PTPRT: variants seen among roughly 807,000 people sequenced by gnomAD.
The protein encoded by PTPRT is protein tyrosine phosphatase receptor type T.
Under a neutral mutation model 176.8 loss-of-function variants are expected in PTPRT, and 56 were observed. The observed-to-expected ratio is 0.32, with a 90% CI of 0.26 to 0.40. The LOEUF (loss-of-function observed/expected upper bound fraction) is 0.40. Among genes scored for constraint, PTPRT ranks in the 10% least tolerant of loss-of-function variants. The pLI, the probability that PTPRT is intolerant of heterozygous loss-of-function variation, is 1.00. For synonymous variants in PTPRT, 783 were observed against 739.0 expected (o/e 1.06, Z -0.96); for missense variants, 1,540 against 1,908.2 (o/e 0.81, Z 3.60).
chr20:42,254,049 C>T (rs1568712196), intron 13 of PTPRT, among the ~76,000 whole-genome samples: 1 of 152,192 alleles, frequency 6.6e-6, no homozygotes, highest in East Asian at 1.9e-4. Flanking sequence ...TTCCCTCCCT[C>T]AATATTAGCT....
At chr20:42,711,427 T>A (rs1348711346) in intron 6 of PTPRT, among the ~76,000 whole-genome samples, 1 of 152,082 alleles carries the variant, frequency 6.6e-6, no homozygotes, top group Non-Finnish European at 1.5e-5. Flanking sequence ...TCCATTCACA[T>A]GAGATCTGGT....
intron 7 of PTPRT, among the ~76,000 whole-genome samples, chr20:42,627,083 C>T (rs562167833): frequency 1.6e-4 from 24 of 152,204 alleles, no homozygotes; most frequent in Middle Eastern, 3.4e-3. Context: ...AAGCAATGCC[C>T]GGGATGACCG....
At chr20:43,163,786 A>C (rs80165795) in intron 1 of PTPRT, among the ~76,000 whole-genome samples, 1 of 152,236 alleles carries the variant, frequency 6.6e-6, no homozygotes. Flanking sequence ...CCGACAGCAC[A>C]TCTATCTCAT....
At chr20:42,124,779 A>C (rs772453133) in intron 19 of PTPRT, among the ~76,000 whole-genome samples, 2 of 152,164 alleles carry the variant, frequency 1.3e-5, no homozygotes, top group Non-Finnish European at 2.9e-5. Context: ...CAATTAATGG[A>C]GTTCCTCTAC....
chr20:42,634,030 T>C (rs1600513981), intron 7 of PTPRT, among the ~76,000 whole-genome samples: 1 of 28,788 alleles, frequency 3.5e-5, no homozygotes, highest in Non-Finnish European at 5.5e-5. Flanking sequence ...ATAATATATA[T>C]ATTATATATA....
At chr20:42,560,030 T>C (rs2072926144) in intron 7 of PTPRT, among the ~76,000 whole-genome samples, 1 of 152,102 alleles carries the variant, frequency 6.6e-6, no homozygotes, top group Admixed American at 6.6e-5. Flanking sequence ...ACAGCAAACA[T>C]TAAAAGAGCA....
intron 7 of PTPRT, among the ~76,000 whole-genome samples, chr20:42,639,389 A>C (rs1225150074): frequency 6.6e-6 from 1 of 152,110 alleles, no homozygotes; most frequent in African/African-American, 2.4e-5. Flanking sequence ...CTTGAATTTG[A>C]AACCAGAGCC....
intron 13 of PTPRT, among the ~76,000 whole-genome samples, chr20:42,265,872 G>T (rs891849320): frequency 6.6e-6 from 1 of 152,164 alleles, no homozygotes; most frequent in African/African-American, 2.4e-5. Context: ...GAGTAAAGCT[G>T]CCCCTGGGAA....
intron 7 of PTPRT, among the ~76,000 whole-genome samples, chr20:42,654,869 A>T (rs1364816131): frequency 6.6e-6 from 1 of 152,236 alleles, no homozygotes; most frequent in Non-Finnish European, 1.5e-5. Context: ...GCCCACTAAC[A>T]TCAGGGCAAG....
At chr20:42,312,146 A>G (rs1292408050) in intron 12 of PTPRT, among the ~76,000 whole-genome samples, 1 of 152,206 alleles carries the variant, frequency 6.6e-6, no homozygotes, top group Non-Finnish European at 1.5e-5. Flanking sequence ...TTTTATGCTC[A>G]CTGTAGGTCT....
intron 7 of PTPRT, among the ~76,000 whole-genome samples, chr20:42,602,771 A>T (rs183172062): frequency 6.6e-6 from 1 of 152,248 alleles, no homozygotes; most frequent in African/African-American, 2.4e-5. Flanking sequence ...AACAAGGAGC[A>T]GGGGCTTCAC....
chr20:42,437,116 C>T (rs957052034), intron 9 of PTPRT, among the ~76,000 whole-genome samples: 1 of 152,082 alleles, frequency 6.6e-6, no homozygotes, highest in Admixed American at 6.5e-5. Context: ...TTATGTAGAT[C>T]ATAAGTAAAT....
chr20:43,006,467 C>G (rs1303996941), intron 1 of PTPRT, among the ~76,000 whole-genome samples: 12 of 152,164 alleles, frequency 7.9e-5, no homozygotes, highest in Admixed American at 7.9e-4. Context: ...TCTCCTGTAT[C>G]TGCCTGCCTC....
At chr20:42,149,575 C>T (rs1989031540) in intron 17 of PTPRT, among the ~76,000 whole-genome samples, 2 of 152,066 alleles carry the variant, frequency 1.3e-5, no homozygotes, top group Admixed American at 6.6e-5. Context: ...AGTCCTGTGC[C>T]ACCACACCCG....
intron 1 of PTPRT, among the ~76,000 whole-genome samples, chr20:42,902,436 A>C (rs2079417902): frequency 6.6e-6 from 1 of 152,140 alleles, no homozygotes; most frequent in African/African-American, 2.4e-5. Context: ...GCAGCTCAGG[A>C]GAGACAGAAG....
At chr20:42,962,730 C>A (rs1057390484) in intron 1 of PTPRT, among the ~76,000 whole-genome samples, 2 of 152,186 alleles carry the variant, frequency 1.3e-5, no homozygotes, top group African/African-American at 4.8e-5. Flanking sequence ...TACAGAAACA[C>A]TACCACCACC....
At chr20:42,248,857 A>G in intron 13 of PTPRT, 35 bp from the exon 14 acceptor site, 2 of 1,608,750 alleles carry the variant, frequency 1.2e-6, no homozygotes, top group Non-Finnish European at 1.7e-6. Flanking sequence ...CAATGTTGAA[A>G]GCACCCAAAC....
chr20:42,127,209 A>G (rs1164181289), intron 19 of PTPRT, among the ~76,000 whole-genome samples: 1 of 152,216 alleles, frequency 6.6e-6, no homozygotes, highest in African/African-American at 2.4e-5. Flanking sequence ...TCCAGAGTCC[A>G]GAAATAACCA....
At chr20:42,881,042 A>T (rs1405913119) in intron 2 of PTPRT, among the ~76,000 whole-genome samples, 3 of 152,202 alleles carry the variant, frequency 2.0e-5, no homozygotes, top group Non-Finnish European at 4.4e-5. Flanking sequence ...TCGCCTTTGT[A>T]AAGCAGCATC....
Sources: gnomAD v4.1 joint callset for allele counts (sites outside exome capture counted in the v4.1 genomes callset) on GRCh38, gnomAD v4.1.1 for gene constraint, MANE v1.5 for transcripts, NCBI Gene and HGNC (gene_info 2026-07-23, HGNC 2026-07-21) for gene names.